Variants in ARPC2 observed in about 807,000 individuals in gnomAD.
ARPC2 encodes actin-related protein 2/3 complex subunit 2.
Under a neutral mutation model 38.6 loss-of-function variants are expected in ARPC2, and 4 were observed. The ratio of observed to expected loss-of-function variants is 0.10; its 90% CI spans 0.05 to 0.24. ARPC2 has a LOEUF of 0.24. ARPC2 is among the 10% of genes least tolerant of loss of function. The probability of loss-of-function intolerance (pLI) is 1.00; values close to 1 mark genes in which losing one functional copy is unlikely to be tolerated. For synonymous variants in ARPC2, 125 were observed against 140.8 expected (o/e 0.89, Z 0.79); for missense variants, 229 against 387.3 (o/e 0.59, Z 3.43).
Position 218,227,191 on chromosome 2 carries a change from C to T in ARPC2, c.109+1237C>T, listed in dbSNP as rs971394257. The T allele has an allele frequency of 4.8e-5, 16 of 330,140 alleles. No individual in the cohort carries two copies. In the Admixed American group the frequency reaches 6.1e-4, roughly 13 times the overall value. 20.5% of individuals were successfully genotyped at this position (330,140 alleles called of 1,614,324 possible). ...AGCTCCATAAAGTGATGGCACTCAG[C>T]ACCTAATTCTAGTTTCAGGAACCTA... On this transcript the variant is annotated intron_variant, in intron 3 of 10. Coordinates refer to ENST00000315717, the MANE Select transcript of ARPC2 (RefSeq NM_152862.3).
chr2:218,220,236 C>T (rs569234954), intron 2 of ARPC2, among the ~76,000 whole-genome samples: 2 of 152,300 alleles, frequency 1.3e-5, no homozygotes, highest in East Asian at 1.9e-4. Context: ...AGGTCAGCTC[C>T]ACCCTACTTT....
chr2:218,225,783 G>T, intron 2 of ARPC2, 137 bp from the exon 3 acceptor site: 2 of 711,960 alleles, frequency 2.8e-6, no homozygotes, highest in Non-Finnish European at 2.5e-6. Flanking sequence ...AATGAATTGT[G>T]TACTCTGATT....
rs1690259162 is a variant in ARPC2, at chr2:218,254,047, GT to G, written c.*135del. On this transcript the variant is annotated 3_prime_UTR_variant, in exon 11 of 11. Coordinates refer to ENST00000315717, the MANE Select transcript of ARPC2 (RefSeq NM_152862.3). Reference sequence around the variant, plus strand: ...TCCGTTTTGGTTCCATTTTGTACACGTTTGGAAAATAATCTGCAGAAACGAG... The same window carrying G: ...TCCGTTTTGGTTCCATTTTGTACACGTTGGAAAATAATCTGCAGAAACGAG... 2 of 1,184,134 alleles carry G rather than the reference GT, an allele frequency of 1.7e-6. No homozygotes were observed. Among genetic ancestry groups the G allele is most frequent in the Admixed American group, 2.3e-5 (1 of 43,084 alleles). 73.4% of individuals were successfully genotyped at this position (1,184,134 alleles called of 1,614,324 possible). A position where few individuals can be genotyped will look rare whatever the true frequency, so the allele number is the denominator to read the frequency against.
chr2:218,227,300 A>G (rs1291577029), intron 3 of ARPC2, among the ~76,000 whole-genome samples: 1 of 152,258 alleles, frequency 6.6e-6, no homozygotes. Context: ...AGTCCTATAG[A>G]TTAGAAGCAA....
intron 2 of ARPC2, among the ~76,000 whole-genome samples, chr2:218,223,226 C>T (rs1452822280): frequency 6.6e-6 from 1 of 152,206 alleles, no homozygotes; most frequent in African/African-American, 2.4e-5. Flanking sequence ...TTCTGAGTAG[C>T]ATAATGAAAT....
chr2:218,229,964 C>T (rs1689590857), intron 4 of ARPC2, among the ~76,000 whole-genome samples: 1 of 151,566 alleles, frequency 6.6e-6, no homozygotes, highest in Admixed American at 6.6e-5. Flanking sequence ...GCTATTAAAG[C>T]AGCCCTGCCT....
chr2:218,221,009 A>T (rs1184779560), intron 2 of ARPC2, among the ~76,000 whole-genome samples: 1 of 152,196 alleles, frequency 6.6e-6, no homozygotes, highest in Non-Finnish European at 1.5e-5. Flanking sequence ...GGAAATTCTT[A>T]CCCAGACCCT....
intron 4 of ARPC2, chr2:218,233,608 A>G (rs755765991): frequency 1.3e-5 from 2 of 151,686 alleles, no homozygotes; most frequent in Non-Finnish European, 2.9e-5. Flanking sequence ...AGAGCTGGCT[A>G]TGCACTGAGT....
intron 5 of ARPC2, among the ~76,000 whole-genome samples, chr2:218,238,453 C>T (rs1470723374): frequency 2.0e-5 from 3 of 151,946 alleles, no homozygotes; most frequent in Non-Finnish European, 4.4e-5. Flanking sequence ...TCATTTTGCC[C>T]TGTGAGATAG....
chr2:218,225,826 G>C, intron 2 of ARPC2, 94 bp from the exon 3 acceptor site: 1 of 1,184,700 alleles, frequency 8.4e-7, no homozygotes, highest in Non-Finnish European at 1.3e-6. Context: ...AGAATGGTCT[G>C]ATCTTAAGTG....
At chr2:218,220,901 G>A (rs1689367760) in intron 2 of ARPC2, among the ~76,000 whole-genome samples, 1 of 152,110 alleles carries the variant, frequency 6.6e-6, no homozygotes, top group Non-Finnish European at 1.5e-5. Context: ...CTTCCCAGCA[G>A]CCCACAAACT....
At chr2:218,223,168 T>C (rs555039565) in intron 2 of ARPC2, among the ~76,000 whole-genome samples, 13 of 152,336 alleles carry the variant, frequency 8.5e-5, no homozygotes, top group Admixed American at 3.9e-4. Flanking sequence ...AAATATTAAA[T>C]GGAAAATCCC....
chr2:218,248,578 A>G (rs887050876), intron 8 of ARPC2, among the ~76,000 whole-genome samples: 1 of 152,212 alleles, frequency 6.6e-6, no homozygotes, highest in Admixed American at 6.5e-5. Flanking sequence ...CTCCTGCCTC[A>G]GCCTCCTAAG....
intron 2 of ARPC2, among the ~76,000 whole-genome samples, chr2:218,223,988 C>G (rs1003496223): frequency 1.3e-5 from 2 of 152,194 alleles, no homozygotes; most frequent in African/African-American, 4.8e-5. Context: ...ACCTCTAACT[C>G]CCAGAAGACT....
At chr2:218,248,396 G>T (rs751413327) in intron 8 of ARPC2, among the ~76,000 whole-genome samples, 4 of 152,210 alleles carry the variant, frequency 2.6e-5, no homozygotes, top group Non-Finnish European at 4.4e-5. Context: ...AGGTAAAAAC[G>T]ATTCCAGAAA....
intron 2 of ARPC2, among the ~76,000 whole-genome samples, chr2:218,223,384 A>G (rs1373627384): frequency 6.6e-6 from 1 of 152,208 alleles, no homozygotes; most frequent in African/African-American, 2.4e-5. Context: ...AGTTACCCTT[A>G]TTTTACTTAA....
At chr2:218,218,765 A>G (rs1417033040) in intron 2 of ARPC2, among the ~76,000 whole-genome samples, 1 of 152,236 alleles carries the variant, frequency 6.6e-6, no homozygotes, top group East Asian at 1.9e-4. Flanking sequence ...TTTAAATTGA[A>G]TATATAGTAT....
chr2:218,251,361 G>A lies in ARPC2; in HGVS notation c.878+1440G>A, dbSNP rs535333716. Among the ~76,000 whole-genome samples the A allele has an allele frequency of 2.1e-4, 31 of 150,658 alleles. No homozygotes were observed. The South Asian group carries it at 5.7e-3, about 28-fold the overall frequency. ...CAAGTAGCTGGGACTACAGGCGTGCGCCACTAAGCCCCACTAATTTATTTG... is the reference window on the plus strand; with the variant it reads ...CAAGTAGCTGGGACTACAGGCGTGCACCACTAAGCCCCACTAATTTATTTG... On this transcript the variant is annotated intron_variant, in intron 10 of 10. Coordinates refer to ENST00000315717, the MANE Select transcript of ARPC2 (RefSeq NM_152862.3).
chr2:218,250,021 G>A, intron 10 of ARPC2, 100 bp downstream of exon 10: 2 of 1,019,384 alleles, frequency 2.0e-6, no homozygotes, highest in East Asian at 5.2e-5. Flanking sequence ...TCTGGGCACT[G>A]GCTACATATG....
Sources: gnomAD v4.1 joint callset for allele counts (sites outside exome capture counted in the v4.1 genomes callset) on GRCh38, gnomAD v4.1.1 for gene constraint, MANE v1.5 for transcripts, NCBI Gene and HGNC (gene_info 2026-07-23, HGNC 2026-07-21) for gene names.